The following MTMR7 variants were observed in gnomAD, a reference collection of about 807,000 sequenced individuals.
The protein encoded by MTMR7 is myotubularin related protein 7, also known as phosphatidylinositol-3-phosphate phosphatase MTMR7.
In MTMR7, 76 loss-of-function variants were observed where a neutral mutation model predicts 81.2. The observed-to-expected ratio is 0.94, with a 90% CI of 0.78 to 1.13. The LOEUF (loss-of-function observed/expected upper bound fraction) is 1.13, where lower values mean the gene tolerates loss of function less well. MTMR7 is among the 50% of genes most tolerant of loss of function. MTMR7 has a pLI of 0.00. For missense variants in MTMR7, 1,044 were observed against 820.0 expected (o/e 1.27, Z -3.34); for synonymous variants, 372 against 289.8 (o/e 1.28, Z -2.88).
chr8:17,329,759 T>G (rs1818897693), intron 7 of MTMR7, among the ~76,000 whole-genome samples: 1 of 152,298 alleles, frequency 6.6e-6, no homozygotes, highest in Non-Finnish European at 1.5e-5. Context: ...AAAACATAGT[T>G]TGTAGCAGGA....
At chr8:17,362,714 G>C (rs1585091305) in intron 3 of MTMR7, among the ~76,000 whole-genome samples, 2 of 152,106 alleles carry the variant, frequency 1.3e-5, no homozygotes, top group African/African-American at 4.8e-5. Context: ...CTTTCTCATA[G>C]CTTTCCTAGG....
At chr8:17,368,641 C>T (rs933938349) in intron 3 of MTMR7, among the ~76,000 whole-genome samples, 48 of 152,186 alleles carry the variant, frequency 3.2e-4, no homozygotes, top group African/African-American at 1.1e-3. Flanking sequence ...AGTCCTGCTT[C>T]CAAAGTTACA....
chr8:17,338,137 C>G (rs1021392754), intron 6 of MTMR7, among the ~76,000 whole-genome samples: 2 of 152,156 alleles, frequency 1.3e-5, no homozygotes, highest in Admixed American at 1.3e-4. Context: ...TTAAAACTCA[C>G]GTGAAGTGTG....
chr8:17,378,947 G>A (rs578026962), intron 1 of MTMR7, among the ~76,000 whole-genome samples: 4 of 152,128 alleles, frequency 2.6e-5, no homozygotes, highest in East Asian at 3.9e-4. Flanking sequence ...TACCCAGGGC[G>A]AGCAGGCAGA....
At position 17,361,117 on chromosome 8, in the gene MTMR7, T is replaced by C. The variant is rs1039938591; in HGVS notation, c.468A>G (p.Arg156=). The C allele has an allele frequency of 1.9e-6, 3 of 1,614,078 alleles. No individual in the cohort carries two copies. The highest frequency in any genetic ancestry group is 1.1e-5 in the South Asian group (1 of 91,076). Residue 156 remains arginine (R), a splice_region_variant and synonymous_variant, in exon 4 of 14, where the codon AGA becomes AGG. Transcript: ENST00000180173. The stretch of plus-strand genomic sequence containing the variant: ...CAGTGTTTGGGTTTCACGCACTCAC[T>C]CTGTAGTCTCTATTCACATCGCTGA... The part of the protein sequence containing the change: ...WQLSDVNRDY[R]VCDSYPTELY...
intron 3 of MTMR7, among the ~76,000 whole-genome samples, chr8:17,367,461 G>T (rs1041288760): frequency 6.6e-6 from 1 of 152,120 alleles, no homozygotes. Context: ...AGATCTACAA[G>T]GTTAACTGAT....
chr8:17,335,355 G>C (rs899175077), intron 6 of MTMR7, among the ~76,000 whole-genome samples: 1 of 152,176 alleles, frequency 6.6e-6, no homozygotes, highest in African/African-American at 2.4e-5. Context: ...ATGAGGCCCG[G>C]GGAGAGCAGG....
Position 17,396,007 on chromosome 8 carries a change from A to T in MTMR7, c.24+17262T>A, listed in dbSNP as rs149301308. Among the ~76,000 whole-genome samples the T allele has an allele frequency of 9.9e-3, 1,502 of 152,304 alleles. 43 individuals are homozygous for T. The highest frequency in any genetic ancestry group is 0.035 in the African/African-American group (1,437 of 41,546). ...GATAGGGGAAGGTGACAAAGAACAA[A>T]GATTAAACTACCGGAAATAAGTATA... On this transcript the variant is annotated intron_variant, in intron 1 of 13. Transcript: ENST00000180173.
intron 1 of MTMR7, among the ~76,000 whole-genome samples, chr8:17,383,905 C>G (rs1820842633): frequency 6.6e-6 from 1 of 152,136 alleles, no homozygotes. Context: ...AGCCCCACTT[C>G]TAACCAGCAA....
chr8:17,332,235 G>A (rs985518195), intron 6 of MTMR7, among the ~76,000 whole-genome samples: 1 of 152,100 alleles, frequency 6.6e-6, no homozygotes, highest in East Asian at 1.9e-4. Flanking sequence ...AAAAATATCT[G>A]CTTTTAAAAG....
chr8:17,325,856 C>A (rs1351610592), intron 7 of MTMR7, among the ~76,000 whole-genome samples: 2 of 152,160 alleles, frequency 1.3e-5, no homozygotes, highest in Non-Finnish European at 2.9e-5. Flanking sequence ...CAAATACTTG[C>A]CTGGCTGACT....
At chr8:17,371,621 A>G (rs1820422467) in intron 2 of MTMR7, among the ~76,000 whole-genome samples, 1 of 152,158 alleles carries the variant, frequency 6.6e-6, no homozygotes, top group Non-Finnish European at 1.5e-5. Context: ...TTAATTCCAC[A>G]TGGAATGTTC....
intron 7 of MTMR7, among the ~76,000 whole-genome samples, chr8:17,316,608 C>T (rs1291806317): frequency 6.6e-6 from 1 of 151,876 alleles, no homozygotes; most frequent in Non-Finnish European, 1.5e-5. Context: ...TCTCGGGTTC[C>T]ACATCCTTGG....
intron 4 of MTMR7, among the ~76,000 whole-genome samples, chr8:17,349,970 T>A (rs1006392353): frequency 1.3e-5 from 2 of 152,198 alleles, no homozygotes; most frequent in Non-Finnish European, 2.9e-5. Flanking sequence ...CAATATCTCA[T>A]GGGGTTGACA....
At chr8:17,359,948 G>A (rs1423512504) in intron 4 of MTMR7, among the ~76,000 whole-genome samples, 1 of 152,052 alleles carries the variant, frequency 6.6e-6, no homozygotes, top group Non-Finnish European at 1.5e-5. Flanking sequence ...ATATTAAAAT[G>A]CTATCTTTTA....
intron 1 of MTMR7, among the ~76,000 whole-genome samples, chr8:17,396,844 G>C (rs1394873602): frequency 1.3e-5 from 2 of 151,802 alleles, no homozygotes; most frequent in Non-Finnish European, 2.9e-5. Flanking sequence ...AGAGCAAAGA[G>C]TAAAAAGGAC....
intron 3 of MTMR7, among the ~76,000 whole-genome samples, chr8:17,362,511 G>A (rs377245899): frequency 2.2e-4 from 33 of 152,104 alleles, no homozygotes; most frequent in Admixed American, 1.6e-3. Context: ...GAAATCTGAC[G>A]CAAACGGGAG....
intron 1 of MTMR7, among the ~76,000 whole-genome samples, chr8:17,392,339 T>A (rs557900021): frequency 2.0e-5 from 3 of 152,154 alleles, no homozygotes; most frequent in Admixed American, 6.5e-5. Context: ...AATAAATAAA[T>A]AATGGCTCAA....
In MTMR7 at chr8:17,331,211, A is replaced by C. The variant is rs373822353; in HGVS notation, c.804T>G (p.Phe268Leu). The part of the protein sequence containing the change: ...ENEDNYSNIK[F>L]QFIGIENIHV... ...GGATGTTCTCTATCCCGATAAACTGAAACTTGATATTGGAATAATTGTCTT... is the reference window on the plus strand; with the variant it reads ...GGATGTTCTCTATCCCGATAAACTGCAACTTGATATTGGAATAATTGTCTT... Residue 268 changes from phenylalanine to leucine, a missense_variant, in exon 7 of 14, where the codon TTT becomes TTG. Coordinates refer to ENST00000180173, the MANE Select transcript of MTMR7 (RefSeq NM_004686.5). 2 of 1,612,614 alleles carry C rather than the reference A, an allele frequency of 1.2e-6. No individual in the cohort carries two copies. The highest frequency in any genetic ancestry group is 1.1e-5 in the South Asian group (1 of 90,754).
Sources: allele counts gnomAD v4.1 joint callset (sites outside exome capture counted in the v4.1 genomes callset), GRCh38; gene constraint gnomAD v4.1.1; transcripts MANE v1.5; gene names NCBI Gene and HGNC (gene_info 2026-07-23, HGNC 2026-07-21).